The following CDH12 variants were observed in gnomAD, a reference collection of about 807,000 sequenced individuals.
CDH12 encodes the protein cadherin-12.
CDH12 carries 41 observed loss-of-function variants against 74.1 expected under a neutral mutation model. The observed-to-expected ratio is 0.55, with a 90% CI of 0.43 to 0.72. The LOEUF (loss-of-function observed/expected upper bound fraction) is 0.72, where lower values mean the gene tolerates loss of function less well. Among genes scored for constraint, CDH12 ranks in the 30% least tolerant of loss-of-function variants. The pLI is 0.00. For synonymous variants in CDH12, 399 were observed against 355.0 expected, an observed-to-expected ratio of 1.12 and a Z score of -1.39; for missense variants, 945 against 977.2, an observed-to-expected ratio of 0.97 and a Z score of 0.44.
chr5:22,378,860 G>A (rs1741645859), intron 3 of CDH12, among the ~76,000 whole-genome samples: 1 of 152,006 alleles, frequency 6.6e-6, no homozygotes, highest in African/African-American at 2.4e-5. Context: ...AGGTCATAAA[G>A]TATAATGCCT....
intron 3 of CDH12, among the ~76,000 whole-genome samples, chr5:22,220,645 C>T (rs1279523589): frequency 6.6e-6 from 1 of 151,190 alleles, no homozygotes; most frequent in African/African-American, 2.4e-5. Flanking sequence ...CAATGCTTTT[C>T]TGCTTTGTAT....
chr5:22,315,803 T>C (rs541887894), intron 3 of CDH12, among the ~76,000 whole-genome samples: 1 of 152,198 alleles, frequency 6.6e-6, no homozygotes, highest in Non-Finnish European at 1.5e-5. Context: ...AAAAGATGGC[T>C]TTTAGATTTT....
intron 5 of CDH12, among the ~76,000 whole-genome samples, chr5:22,010,485 A>G (rs1737234534): frequency 6.6e-6 from 1 of 152,170 alleles, no homozygotes; most frequent in Non-Finnish European, 1.5e-5. Flanking sequence ...CAAATCATGA[A>G]TGCTGTTTGC....
chr5:22,753,299 C>T (rs976649711), intron 1 of CDH12, among the ~76,000 whole-genome samples: 4 of 151,172 alleles, frequency 2.6e-5, no homozygotes, highest in Non-Finnish European at 5.9e-5. Flanking sequence ...TAGCCGGGCA[C>T]GGTGGCGGGC....
intron 1 of CDH12, among the ~76,000 whole-genome samples, chr5:22,551,724 TA>T (rs771111022): frequency 7.6e-5 from 11 of 145,042 alleles, no homozygotes; most frequent in African/African-American, 2.0e-4. Context: ...CAACCCATTA[TA>T]AAAAAAATAA....
intron 2 of CDH12, among the ~76,000 whole-genome samples, chr5:22,462,814 T>G (rs535851701): frequency 1.6e-4 from 25 of 152,136 alleles, no homozygotes; most frequent in African/African-American, 6.0e-4. Flanking sequence ...ATAACAACAA[T>G]AAGGTGTCCA....
At chr5:22,080,454 TAA>T (rs1387496125) in intron 4 of CDH12, among the ~76,000 whole-genome samples, 6 of 152,190 alleles carry the variant, frequency 3.9e-5, no homozygotes, top group Admixed American at 2.6e-4. Flanking sequence ...TTCTTCTTTA[TAA>T]GAGTGTAACT....
chr5:22,642,890 C>T (rs1739225285), intron 1 of CDH12, among the ~76,000 whole-genome samples: 1 of 152,046 alleles, frequency 6.6e-6, no homozygotes, highest in African/African-American at 2.4e-5. Context: ...CCTTACTTTA[C>T]TATTCTGGTT....
intron 3 of CDH12, among the ~76,000 whole-genome samples, chr5:22,288,282 C>A (rs1418351695): frequency 1.3e-5 from 2 of 152,064 alleles, no homozygotes; most frequent in Non-Finnish European, 2.9e-5. Context: ...GTAACAAAAG[C>A]TATCTGGGGT....
At chr5:22,122,692 TG>T (rs1281448831) in intron 4 of CDH12, among the ~76,000 whole-genome samples, 1 of 152,202 alleles carries the variant, frequency 6.6e-6, no homozygotes, top group African/African-American at 2.4e-5. Context: ...ACATTTGAAT[TG>T]GTAGAATGAG....
chr5:22,215,181 AT>A (rs1380901394), intron 3 of CDH12, among the ~76,000 whole-genome samples: 3 of 127,920 alleles, frequency 2.3e-5, no homozygotes, highest in Non-Finnish European at 5.3e-5. Context: ...AGTTAAGCAA[AT>A]TTACCAATGT....
Position 21,760,575 on chromosome 5 carries a change from G to A in CDH12, c.1616C>T (p.Thr539Ile), listed in dbSNP as rs1744660721. The A allele has an allele frequency of 2.5e-6, 4 of 1,587,784 alleles. No homozygotes were observed. The highest frequency in any genetic ancestry group is 2.6e-6 in the Non-Finnish European group (3 of 1,157,636). The change falls in exon 13 of 15, where the codon ACA becomes ATA. Residue 539 changes from threonine (T) to isoleucine (I), a missense_variant. By Grantham distance (89) the Thr-to-Ile change is moderately conservative (BLOSUM62 -1). Transcript: ENST00000382254. Reference sequence around the variant, plus strand: ...ACACTTACTTCTGAAGTCACGAACTGTAAAATTTGGTTTGATAGCAGCCTC... The same window carrying A: ...ACACTTACTTCTGAAGTCACGAACTATAAAATTTGGTTTGATAGCAGCCTC... ...SPEAAIKPNF[T>I]VRDFRNNTAG... is the part of the protein sequence containing the mutation.
In CDH12 at chr5:22,626,935, A is replaced by G. The variant is rs183039307; in HGVS notation, c.-522-121571T>C. ...TGATGTGAGAGAACTTAAAAAAAAC[A>G]CTGTAAGAATTTCATAATACAATTG... On this transcript the variant is annotated intron_variant, in intron 1 of 14. Transcript: ENST00000382254. 2.2e-3 allele frequency among the ~76,000 whole-genome samples: 337 copies of G among 152,320 alleles called. 5 individuals carry two copies. The South Asian group carries it at 0.04, about 18-fold the overall frequency.
chr5:22,190,088 G>A (rs561607625), intron 4 of CDH12, among the ~76,000 whole-genome samples: 11 of 152,092 alleles, frequency 7.2e-5, no homozygotes, highest in South Asian at 6.2e-4. Flanking sequence ...ATTAGATAAC[G>A]GACATGATTA....
chr5:22,811,906 A>T (rs936393967), intron 1 of CDH12, among the ~76,000 whole-genome samples: 1 of 152,164 alleles, frequency 6.6e-6, no homozygotes, highest in African/African-American at 2.4e-5. Flanking sequence ...TTCAATGAAA[A>T]GATCGAAGTT....
At chr5:21,808,955 T>C (rs1340912912) in intron 9 of CDH12, among the ~76,000 whole-genome samples, 1 of 152,078 alleles carries the variant, frequency 6.6e-6, no homozygotes, top group Non-Finnish European at 1.5e-5. Context: ...ACACCATTTG[T>C]TAGAAAATTA....
intron 1 of CDH12, among the ~76,000 whole-genome samples, chr5:22,628,266 G>T (rs1196372656): frequency 6.6e-6 from 1 of 152,032 alleles, no homozygotes; most frequent in East Asian, 1.9e-4. Context: ...GACATCTAAA[G>T]AACTCTCCAT....
intron 1 of CDH12, among the ~76,000 whole-genome samples, chr5:22,604,514 A>C (rs531539881): frequency 6.6e-6 from 1 of 152,360 alleles, no homozygotes; most frequent in African/African-American, 2.4e-5. Context: ...AATACACTTT[A>C]AAAGGGAAGG....
intron 1 of CDH12, among the ~76,000 whole-genome samples, chr5:22,636,340 C>T (rs1205026129): frequency 6.6e-6 from 1 of 152,084 alleles, no homozygotes; most frequent in Non-Finnish European, 1.5e-5. Context: ...GACATGCAAA[C>T]ATATGTCCAA....
Sources: allele counts gnomAD v4.1 joint callset (sites outside exome capture counted in the v4.1 genomes callset), GRCh38; gene constraint gnomAD v4.1.1; transcripts MANE v1.5; gene names NCBI Gene and HGNC (gene_info 2026-07-23, HGNC 2026-07-21).